Variants in NOC4L observed in about 807,000 individuals in gnomAD.
NOC4L encodes nucleolar complex associated 4 homolog.
NOC4L carries 40 observed loss-of-function variants against 62.8 expected under a neutral mutation model. The ratio of observed to expected loss-of-function variants is 0.64; its 90% CI spans 0.49 to 0.83. The LOEUF is 0.83. Ranked by LOEUF, NOC4L falls within the 40% of genes least tolerant of loss-of-function variation. NOC4L has a pLI of 0.00. For synonymous variants in NOC4L, 433 were observed against 299.8 expected (o/e 1.44, Z -4.59); for missense variants, 927 against 701.9 (o/e 1.32, Z -3.62).
rs61942925 is a variant in NOC4L at position 132,148,725 on chromosome 12, C to G, written c.790-59C>G. On this transcript the variant is annotated intron_variant, in intron 8 of 14. Transcript: ENST00000330579. ...GTCTCCCCCAGGGCGGAGGCCTCAC[C>G]CCGACCCGCCGGCCCCCGCCCACCC... is the stretch of plus-strand genomic sequence containing the variant. The G allele has an allele frequency of 2.1e-6, 3 of 1,406,822 alleles. No individual in the cohort carries two copies. In the South Asian group the frequency reaches 4.3e-5, roughly 20 times the overall value. 87.1% of individuals were successfully genotyped at this position (1,406,822 alleles called of 1,614,324 possible).
rs1897689220 is a variant in NOC4L, at chr12:132,145,677, G to GGAGA, written c.345+13_345+14insAGAG. 6.3e-7 allele frequency: 1 copy of GGAGA among 1,589,196 alleles called. No homozygotes were observed. Among genetic ancestry groups the GGAGA allele is most frequent in the Admixed American group, 1.7e-5 (1 of 59,664 alleles). On this transcript the variant is annotated intron_variant, in intron 3 of 14. Coordinates refer to ENST00000330579, the MANE Select transcript of NOC4L (RefSeq NM_024078.3). ...CCTTTCAGGTCAAGGTGGGTCATTG[G>GGAGA]GCTGGCCTCATCCTTGTCCATCCCC...
chr12:132,146,261 A>T (rs928416935), intron 3 of NOC4L: 1 of 455,946 alleles, frequency 2.2e-6, no homozygotes, highest in African/African-American at 2.0e-5. Context: ...AAGGGGGATC[A>T]TACGGTATGT....
chr12:132,145,964 CTG>C (rs1304029643), intron 3 of NOC4L, among the ~76,000 whole-genome samples: 1 of 152,224 alleles, frequency 6.6e-6, no homozygotes. Flanking sequence ...TCAGATCACA[CTG>C]TGGTCTGCAG....
rs577120175 is a variant in NOC4L, at chr12:132,144,475, G to T, written c.-14G>T. 4.0e-6 allele frequency: 6 copies of T among 1,517,568 alleles called. No individual in the cohort carries two copies. In the East Asian group the frequency reaches 1.6e-4, roughly 39 times the overall value. The allele number at this position is 1,517,568 out of a possible 1,614,324, so 94.0% of individuals were successfully genotyped here. ...GGCGGCTGAGAATCCGCGTTGTTCCGTGTTGGGGGCGGCATGGAGCGGGAG... is the reference window on the plus strand; with the variant it reads ...GGCGGCTGAGAATCCGCGTTGTTCCTTGTTGGGGGCGGCATGGAGCGGGAG... On this transcript the variant is annotated 5_prime_UTR_variant, in exon 1 of 15. Transcript: ENST00000330579.
intron 4 of NOC4L, 92 bp from the exon 5 acceptor site, chr12:132,147,541 G>A (rs112569492): frequency 6.6e-7 from 1 of 1,526,692 alleles, no homozygotes; most frequent in Admixed American, 2.0e-5. Context: ...GGAGGAGTCT[G>A]CCTGGGGGGC....
intron 3 of NOC4L, chr12:132,146,359 G>A: frequency 2.2e-6 from 1 of 455,366 alleles, no homozygotes; most frequent in Non-Finnish European, 4.4e-6. Context: ...GTATCGTTCA[G>A]CCGCTCGTAG....
Position 132,151,360 on chromosome 12 carries a change from G to A in NOC4L, c.1065G>A (p.Leu355=). Residue 355 remains leucine (L), a synonymous_variant, in exon 11 of 15, where the codon CTG becomes CTA. Coordinates refer to ENST00000330579, the MANE Select transcript of NOC4L (RefSeq NM_024078.3). The stretch of plus-strand genomic sequence containing the variant: ...TCTTCCACCTGGCTGACCTCTTCCT[G>A]TCCTCCTCGTGAGTACCAGGGCACC... ...ARFFHLADLF[L]SSSHLPAYLV... 6.2e-7 allele frequency: 1 copy of A among 1,609,508 alleles called. No homozygotes were observed. The highest frequency in any genetic ancestry group is 8.5e-7 in the Non-Finnish European group (1 of 1,179,896).
In NOC4L at chr12:132,147,841, T is replaced by G; in HGVS notation, c.604-39T>G. The G allele has an allele frequency of 1.9e-6, 3 of 1,610,096 alleles. No homozygotes were observed. In the East Asian group the frequency reaches 6.7e-5, roughly 36 times the overall value. On this transcript the variant is annotated intron_variant, in intron 5 of 14. Transcript: ENST00000330579. ...TGTTGCCTCCCAGGGAGGCAGGGAC[T>G]GGGGGGCGGCGTCCAGGCACTCAGG...
At chr12:132,147,453 T>A in intron 4 of NOC4L, 65 bp downstream of exon 4, 1 of 1,474,898 alleles carries the variant, frequency 6.8e-7, no homozygotes, top group Non-Finnish European at 9.2e-7. Context: ...GATGGCCCCG[T>A]AGTGGGGGCG....
chr12:132,148,450 T>C (rs1897809625), intron 7 of NOC4L, among the ~76,000 whole-genome samples, 159 bp from the exon 8 acceptor site: 2 of 152,164 alleles, frequency 1.3e-5, no homozygotes, highest in South Asian at 4.1e-4. Context: ...GGGCAAGGCG[T>C]ACCTGACTTG....
chr12:132,147,964 T>C lies in NOC4L; in HGVS notation c.688T>C (p.Tyr230His). The C allele has an allele frequency of 1.2e-6, 2 of 1,610,544 alleles. No individual in the cohort carries two copies. Among genetic ancestry groups the C allele is most frequent in the Non-Finnish European group, 1.7e-6 (2 of 1,178,746 alleles). The change falls in exon 6 of 15, where the codon TAT (tyrosine) becomes CAT (histidine). Residue 230 changes from tyrosine (Y) to histidine (H), a missense_variant. Coordinates refer to ENST00000330579, the MANE Select transcript of NOC4L (RefSeq NM_024078.3). ...PRREPTVSSF[Y>H]VKRAELWDTW... ...CCGGGAGCCCACCGTCTCCAGCTTCTATGTGAAGCGGGCGGGTGAGTGTGC... is the reference window on the plus strand; with the variant it reads ...CCGGGAGCCCACCGTCTCCAGCTTCCATGTGAAGCGGGCGGGTGAGTGTGC...
At chr12:132,148,540 C>T in intron 7 of NOC4L, 69 bp from the exon 8 acceptor site, 1 of 1,520,372 alleles carries the variant, frequency 6.6e-7, no homozygotes, top group Non-Finnish European at 8.9e-7. Flanking sequence ...CTTCGGGGTG[C>T]CCTGGCAGCT....
intron 1 of NOC4L, 73 bp downstream of exon 1, chr12:132,144,678 G>A: frequency 6.9e-7 from 1 of 1,454,026 alleles, no homozygotes; most frequent in Non-Finnish European, 9.0e-7. Context: ...TGCGGCGGCA[G>A]GTCCCCAGGA....
Position 132,144,878 on chromosome 12 carries a change from G to A in NOC4L, c.142G>A (p.Glu48Lys). 1 of 1,602,106 alleles carries A rather than the reference G, an allele frequency of 6.2e-7. No individual in the cohort carries two copies. Among genetic ancestry groups the A allele is most frequent in the Non-Finnish European group, 8.5e-7 (1 of 1,175,934 alleles). ...LQSEDQEEIQ[E>K]AVRTCSRLFG... ...GTCTGAGGACCAGGAGGAGATCCAG[G>A]AAGCAGTCCGCACGTGCAGCCGTCT... The change falls in exon 2 of 15, where the codon GAA becomes AAA. Residue 48 changes from glutamate (E) to lysine (K), a missense_variant. By Grantham distance (56) the Glu-to-Lys change is moderately conservative (BLOSUM62 1). Transcript: ENST00000330579.
chr12:132,144,911 G>T lies in NOC4L; in HGVS notation c.175G>T (p.Ala59Ser). Reference sequence around the variant, plus strand: ...CCGCACGTGCAGCCGTCTTTTCGGGGCCTTGCTGGAGCGGGGAGAGCTGTT... The same window carrying T: ...CCGCACGTGCAGCCGTCTTTTCGGGTCCTTGCTGGAGCGGGGAGAGCTGTT... ...AVRTCSRLFG[A>S]LLERGELFVG... The change falls in exon 2 of 15, where the codon GCC becomes TCC. Residue 59 changes from alanine to serine, a missense_variant. Transcript: ENST00000330579. 1 of 1,601,846 alleles carries T rather than the reference G, an allele frequency of 6.2e-7. No individual in the cohort carries two copies.
In NOC4L at chr12:132,149,114, C is replaced by T. The variant is rs1897859412; in HGVS notation, c.901+219C>T. Among the ~76,000 whole-genome samples, 2 of 39,654 alleles carry T rather than the reference C, an allele frequency of 5.0e-5. 1 individual carries two copies. The highest frequency in any genetic ancestry group is 4.8e-4 in the Admixed American group (2 of 4,180). 26.0% of individuals were successfully genotyped at this position (39,654 alleles called of 152,430 possible). ...ACTCCTACCACACCCCTAATCCCCT[C>T]GGTGAGTGCCGCCGCCTCACTCCTA... On this transcript the variant is annotated intron_variant, in intron 9 of 14. Coordinates refer to ENST00000330579, the MANE Select transcript of NOC4L (RefSeq NM_024078.3).
At position 132,144,475 on chromosome 12, in the gene NOC4L, G is replaced by C; in HGVS notation, c.-14G>C. On this transcript the variant is annotated 5_prime_UTR_variant, in exon 1 of 15. Coordinates refer to ENST00000330579, the MANE Select transcript of NOC4L (RefSeq NM_024078.3). ...GGCGGCTGAGAATCCGCGTTGTTCC[G>C]TGTTGGGGGCGGCATGGAGCGGGAG... 2 of 1,517,568 alleles carry C rather than the reference G, an allele frequency of 1.3e-6. No individual in the cohort carries two copies. Among genetic ancestry groups the C allele is most frequent in the Non-Finnish European group, 1.7e-6 (2 of 1,145,852 alleles). 94.0% of individuals were successfully genotyped at this position (1,517,568 alleles called of 1,614,324 possible). A position where few individuals can be genotyped will look rare whatever the true frequency, so the allele number is the denominator to read the frequency against.
In NOC4L at chr12:132,148,677, G is replaced by T; in HGVS notation, c.789+18G>T. 1.9e-6 allele frequency: 3 copies of T among 1,539,506 alleles called. No homozygotes were observed. Among genetic ancestry groups the T allele is most frequent in the Non-Finnish European group, 2.6e-6 (3 of 1,139,882 alleles). Reference sequence around the variant, plus strand: ...AGCACAAGGTAGGGGCCAGGCCGGGGAGGGGGCGGGGGCGGCATCCGGGTC... The same window carrying T: ...AGCACAAGGTAGGGGCCAGGCCGGGTAGGGGGCGGGGGCGGCATCCGGGTC... On this transcript the variant is annotated intron_variant, in intron 8 of 14. Coordinates refer to ENST00000330579, the MANE Select transcript of NOC4L (RefSeq NM_024078.3).
chr12:132,148,680 G>A (rs1012908752), intron 8 of NOC4L, 21 bp downstream of exon 8: 5 of 1,539,158 alleles, frequency 3.2e-6, no homozygotes, highest in Non-Finnish European at 3.5e-6. Flanking sequence ...GGCCGGGGAG[G>A]GGGCGGGGGC....
Sources: gnomAD v4.1 joint callset for allele counts (sites outside exome capture counted in the v4.1 genomes callset) on GRCh38, gnomAD v4.1.1 for gene constraint, MANE v1.5 for transcripts, NCBI Gene and HGNC (gene_info 2026-07-23, HGNC 2026-07-21) for gene names.